ALK: variants seen among roughly 807,000 people sequenced by gnomAD.
ALK encodes ALK tyrosine kinase receptor.
In ALK, 74 loss-of-function variants were observed where a neutral mutation model predicts 163.1. The observed-to-expected ratio is 0.45, with a 90% CI of 0.38 to 0.55. The LOEUF (loss-of-function observed/expected upper bound fraction) is 0.55. Among genes scored for constraint, ALK ranks in the 20% least tolerant of loss-of-function variants. ALK has a pLI of 0.00. For synonymous variants in ALK, 960 were observed against 843.2 expected, an observed-to-expected ratio of 1.14 and a Z score of -2.40; for missense variants, 2,063 against 2,105.3, an observed-to-expected ratio of 0.98 and a Z score of 0.39.
At position 29,216,920 on chromosome 2, in the gene ALK, T is replaced by C. The variant is rs186393196; in HGVS notation, c.3646-2839A>G. On this transcript the variant is annotated intron_variant, in intron 23 of 28. Transcript: ENST00000389048. ...TGTGAGTATATGTGGTATATGTCTT[T>C]ATGGTGTGTGGGGGGTGTGTGTGTG... Among the ~76,000 whole-genome samples, 369 of 63,282 alleles carry C rather than the reference T, an allele frequency of 5.8e-3. 1 individual carries two copies. The highest frequency in any genetic ancestry group is 0.015 in the African/African-American group (334 of 21,806). The allele number at this position is 63,282 out of a possible 152,430, so 41.5% of individuals were successfully genotyped here. A position where few individuals can be genotyped will look rare whatever the true frequency, so the allele number is the denominator to read the frequency against.
intron 3 of ALK, among the ~76,000 whole-genome samples, chr2:29,595,879 A>G (rs1479428990): frequency 2.6e-5 from 4 of 152,232 alleles, no homozygotes; most frequent in African/African-American, 9.6e-5. Flanking sequence ...GACTGAAGGG[A>G]AAAAGCAGAA....
At chr2:29,212,418 T>A (rs1000099568) in intron 24 of ALK, among the ~76,000 whole-genome samples, 8 of 152,182 alleles carry the variant, frequency 5.3e-5, no homozygotes, top group Non-Finnish European at 5.9e-5. Context: ...TGATAGACTC[T>A]TAGAAGGAGC....
In ALK at chr2:29,246,266, G is replaced by A. The variant is rs181667078; in HGVS notation, c.2204+4839C>T. Reference sequence around the variant, plus strand: ...AAGAAGTCAGGGAGAGAGAGGGGGCGGGCTGGGCTGAGTGCTGGCGCCTCT... The same window carrying A: ...AAGAAGTCAGGGAGAGAGAGGGGGCAGGCTGGGCTGAGTGCTGGCGCCTCT... On this transcript the variant is annotated intron_variant, in intron 12 of 28. Transcript: ENST00000389048. This position sits in a 1 kb window ranked among gnomAD's most constrained non-coding sequence, Gnocchi z 4.3. Among the ~76,000 whole-genome samples the A allele has an allele frequency of 5.4e-3, 822 of 152,092 alleles. 11 individuals carry two copies. Among genetic ancestry groups the A allele is most frequent in the Non-Finnish European group, 4.3e-3 (292 of 67,950 alleles).
chr2:29,905,253 G>A (rs528274719), intron 1 of ALK, among the ~76,000 whole-genome samples: 1 of 152,306 alleles, frequency 6.6e-6, no homozygotes, highest in South Asian at 2.1e-4. Context: ...CACTGCTTGT[G>A]ATGGATCCCT....
intron 4 of ALK, among the ~76,000 whole-genome samples, chr2:29,459,066 A>G (rs1349904327): frequency 6.6e-6 from 1 of 152,190 alleles, no homozygotes; most frequent in Non-Finnish European, 1.5e-5. Context: ...GACTGAATTT[A>G]TATTTTAAAT....
At chr2:29,496,112 T>C (rs73923639) in intron 4 of ALK, among the ~76,000 whole-genome samples, 2,921 of 152,308 alleles carry the variant, frequency 0.019, 79 homozygotes, top group African/African-American at 0.065. Flanking sequence ...AGGGATCAAA[T>C]GAAATAACTT....
intron 3 of ALK, among the ~76,000 whole-genome samples, chr2:29,617,872 AACAG>A (rs995859650): frequency 1.3e-5 from 2 of 152,194 alleles, no homozygotes; most frequent in African/African-American, 4.8e-5. Flanking sequence ...CCCAGGGATC[AACAG>A]ACAGTGAAAT....
At chr2:29,782,619 G>A (rs1663864950) in intron 1 of ALK, among the ~76,000 whole-genome samples, 1 of 152,146 alleles carries the variant, frequency 6.6e-6, no homozygotes, top group Non-Finnish European at 1.5e-5. Flanking sequence ...TTCCAGGAAG[G>A]GAGACCAATT....
chr2:29,617,653 C>T (rs1675886106), intron 3 of ALK, among the ~76,000 whole-genome samples: 1 of 152,204 alleles, frequency 6.6e-6, no homozygotes, highest in Non-Finnish European at 1.5e-5. Context: ...AAGAAACCCC[C>T]CTTCCCTTGA....
intron 4 of ALK, among the ~76,000 whole-genome samples, chr2:29,473,508 T>A (rs573133970): frequency 1.6e-4 from 24 of 152,294 alleles, no homozygotes; most frequent in African/African-American, 5.5e-4. Flanking sequence ...AGGACTGTTG[T>A]CTGTAATATA....
At chr2:29,713,413 C>A (rs958722162) in intron 2 of ALK, among the ~76,000 whole-genome samples, 1 of 152,112 alleles carries the variant, frequency 6.6e-6, no homozygotes. Flanking sequence ...ACAAGACTAC[C>A]TACAGTGCCA....
chr2:29,469,093 G>T (rs1376865036), intron 4 of ALK, among the ~76,000 whole-genome samples: 1 of 152,060 alleles, frequency 6.6e-6, no homozygotes, highest in African/African-American at 2.4e-5. Context: ...CTTGGAAATA[G>T]TCAACCCTAA....
chr2:29,561,823 C>T (rs188923274), intron 3 of ALK, among the ~76,000 whole-genome samples: 3 of 152,082 alleles, frequency 2.0e-5, no homozygotes, highest in Admixed American at 6.6e-5. Context: ...TGACCGGGGC[C>T]GGGCATGGGG....
At chr2:29,682,192 G>C (rs1285751154) in intron 3 of ALK, among the ~76,000 whole-genome samples, 2 of 152,104 alleles carry the variant, frequency 1.3e-5, no homozygotes, top group African/African-American at 4.8e-5. Flanking sequence ...GAGGAAGAGA[G>C]AACACTGGGA....
intron 11 of ALK, among the ~76,000 whole-genome samples, chr2:29,271,520 G>C (rs1438578205): frequency 6.6e-6 from 1 of 152,158 alleles, no homozygotes; most frequent in Non-Finnish European, 1.5e-5. Context: ...TTGGAATCTT[G>C]GAGCTGGAAA....
intron 1 of ALK, among the ~76,000 whole-genome samples, chr2:29,790,572 T>C (rs1321793449): frequency 1.3e-5 from 2 of 152,210 alleles, no homozygotes; most frequent in Non-Finnish European, 2.9e-5. Context: ...CATATTGACA[T>C]TGGAACACAC....
chr2:29,710,668 C>T (rs895663691), intron 2 of ALK, among the ~76,000 whole-genome samples: 1 of 152,142 alleles, frequency 6.6e-6, no homozygotes, highest in African/African-American at 2.4e-5. Flanking sequence ...GGCACATGTG[C>T]ACCCAGCTAA....
At chr2:29,908,950 G>GA (rs146009310) in intron 1 of ALK, among the ~76,000 whole-genome samples, 9 of 151,178 alleles carry the variant, frequency 6.0e-5, no homozygotes, top group South Asian at 2.1e-4. Flanking sequence ...CAATTTAAAA[G>GA]AAAAAAAAAC....
Position 29,251,209 on chromosome 2 carries a change from C to T in ALK, c.2100G>A (p.Gln700=), listed in dbSNP as rs757872815. ...TGGAGTTCTGGTAGGCGTTGTTGCA[C>T]TGTGCCTGGGTGGGGCCATGGGGCC... The part of the protein sequence containing the change: ...ASGPHGPTQA[Q]CNNAYQNSNL... The change falls in exon 12 of 29, where the codon CAG becomes CAA. Residue 700 remains glutamine (Q), a synonymous_variant. Transcript: ENST00000389048. 39 of 1,614,050 alleles carry T rather than the reference C, an allele frequency of 2.4e-5. No homozygotes were observed. The Middle Eastern group carries it at 8.2e-4, about 34-fold the overall frequency.
Sources: allele counts gnomAD v4.1 joint callset (sites outside exome capture counted in the v4.1 genomes callset), GRCh38; gene constraint gnomAD v4.1.1; non-coding constraint Gnocchi (gnomAD v3.1); transcripts MANE v1.5; gene names NCBI Gene and HGNC (gene_info 2026-07-23, HGNC 2026-07-21).